Variants in TC2N observed in about 807,000 individuals in gnomAD.
TC2N encodes tandem C2 domains nuclear protein.
Under a neutral mutation model 61.9 loss-of-function variants are expected in TC2N, and 51 were observed. That is an observed-to-expected ratio of 0.82 (90% confidence interval 0.66 to 1.04). TC2N has a LOEUF of 1.04. Ranked by LOEUF, TC2N falls within the 50% of genes least tolerant of loss-of-function variation. The pLI, the probability that TC2N is intolerant of heterozygous loss-of-function variation, is 0.00. For synonymous variants in TC2N, 204 were observed against 192.6 expected (o/e 1.06, Z -0.49); for missense variants, 556 against 566.7 (o/e 0.98, Z 0.19).
chr14:91,796,158 G>T (rs1053335189), intron 8 of TC2N, among the ~76,000 whole-genome samples: 15 of 151,926 alleles, frequency 9.9e-5, no homozygotes, highest in Non-Finnish European at 1.3e-4. Flanking sequence ...ATTCATCTAT[G>T]AGTGTCAAGG....
In TC2N at chr14:91,812,456, G is replaced by A. The variant is rs574082858; in HGVS notation, c.157C>T (p.Pro53Ser). The change falls in exon 3 of 12, where the codon CCT becomes TCT. Residue 53 changes from proline (P) to serine (S), a missense_variant. Coordinates refer to ENST00000435962, the MANE Select transcript of TC2N (RefSeq NM_001128596.3). ...VPPLTSVSVK[P>S]QLGCTEDYLL... is the part of the protein sequence containing the mutation. The stretch of plus-strand genomic sequence containing the variant: ...TAATCCTCAGTACAGCCAAGCTGAG[G>A]CTTTACAGAAACAGAAGTCAATGGA... 1 of 1,611,972 alleles carries A rather than the reference G, an allele frequency of 6.2e-7. No homozygotes were observed. Among genetic ancestry groups the A allele is most frequent in the Non-Finnish European group, 8.5e-7 (1 of 1,178,538 alleles).
At chr14:91,836,798 G>A (rs1888044728) in intron 1 of TC2N, among the ~76,000 whole-genome samples, 1 of 152,214 alleles carries the variant, frequency 6.6e-6, no homozygotes, top group Non-Finnish European at 1.5e-5. Flanking sequence ...TTTGGGAGAA[G>A]AAGGGAGACA....
intron 1 of TC2N, among the ~76,000 whole-genome samples, chr14:91,826,342 A>G (rs972862591): frequency 4.6e-5 from 7 of 151,682 alleles, no homozygotes; most frequent in African/African-American, 1.5e-4. Context: ...AAAGCAGGAA[A>G]AAAATATGTA....
At chr14:91,794,802 T>A (rs1885822254) in intron 8 of TC2N, among the ~76,000 whole-genome samples, 1 of 152,100 alleles carries the variant, frequency 6.6e-6, no homozygotes, top group African/African-American at 2.4e-5. Flanking sequence ...GATCAGGGAG[T>A]AATTTCAACT....
In TC2N at chr14:91,779,815, TTAAAAC is replaced by T. The variant is rs1481076804; in HGVS notation, c.*3279_*3284del. The T allele has an allele frequency of 6.6e-5, 10 of 152,072 alleles. No homozygotes were observed. In the East Asian group the frequency reaches 1.9e-3, roughly 29 times the overall value. The allele number at this position is 152,072 out of a possible 1,614,324, so 9.4% of individuals were successfully genotyped here. On this transcript the variant is annotated 3_prime_UTR_variant, in exon 12 of 12. Coordinates refer to ENST00000435962, the MANE Select transcript of TC2N (RefSeq NM_001128596.3). ...TCACATTTTTTATAGATTAAAAAAC[TTAAAAC>T]TAAAAAAGTACTAAGTTAAAAAAAA...
intron 1 of TC2N, among the ~76,000 whole-genome samples, chr14:91,833,913 C>T (rs1887895635): frequency 6.6e-6 from 1 of 152,032 alleles, no homozygotes; most frequent in South Asian, 2.1e-4. Context: ...TTTGTCTGAA[C>T]TCTTGAGCAA....
At chr14:91,805,557 TG>T (rs1452195473) in intron 3 of TC2N, among the ~76,000 whole-genome samples, 2 of 151,906 alleles carry the variant, frequency 1.3e-5, no homozygotes, top group Non-Finnish European at 2.9e-5. Flanking sequence ...CCCAGCTACT[TG>T]GGAGGCTGAG....
chr14:91,852,409 C>G (rs1358494722), intron 1 of TC2N, among the ~76,000 whole-genome samples: 10 of 152,020 alleles, frequency 6.6e-5, no homozygotes. Context: ...CCAGCCTGGG[C>G]AACAACAGTG....
At chr14:91,799,541 C>T (rs992379340) in intron 5 of TC2N, among the ~76,000 whole-genome samples, 18 of 152,146 alleles carry the variant, frequency 1.2e-4, no homozygotes, top group African/African-American at 3.4e-4. Flanking sequence ...GCCTGTCATC[C>T]TGTGTTTTAA....
chr14:91,856,700 G>A (rs1011116185), intron 1 of TC2N, among the ~76,000 whole-genome samples: 5 of 152,132 alleles, frequency 3.3e-5, no homozygotes, highest in Non-Finnish European at 5.9e-5. Flanking sequence ...CCTTTAGACC[G>A]AAGAGGCAGC....
intron 1 of TC2N, among the ~76,000 whole-genome samples, chr14:91,850,521 T>A (rs890083799): frequency 6.6e-6 from 1 of 152,208 alleles, no homozygotes; most frequent in African/African-American, 2.4e-5. Flanking sequence ...CCATCACTCA[T>A]ATTACCACCT....
intron 1 of TC2N, among the ~76,000 whole-genome samples, chr14:91,829,983 C>T (rs533994834): frequency 6.6e-6 from 1 of 152,056 alleles, no homozygotes; most frequent in South Asian, 2.1e-4. Context: ...TAGGAAAATG[C>T]AAATCAAAAC....
chr14:91,844,609 A>T (rs1479909069), intron 1 of TC2N, among the ~76,000 whole-genome samples: 1 of 151,094 alleles, frequency 6.6e-6, no homozygotes, highest in African/African-American at 2.4e-5. Context: ...TAAAAATATA[A>T]AAATTAGCTG....
intron 1 of TC2N, among the ~76,000 whole-genome samples, chr14:91,850,044 C>A: frequency 2.3e-5 from 2 of 88,850 alleles, no homozygotes; most frequent in Non-Finnish European, 2.3e-5. Context: ...AGTGAAACTC[C>A]ATCTCAAAAA....
In TC2N at chr14:91,792,362, C is replaced by G; in HGVS notation, c.1047+5G>C. ...AAATACTCTTAACATACTATTATCGCTTACAGAAATTTTTGAAGGTGGTGT... is the reference window on the plus strand; with the variant it reads ...AAATACTCTTAACATACTATTATCGGTTACAGAAATTTTTGAAGGTGGTGT... On this transcript the variant is annotated splice_donor_5th_base_variant and intron_variant, in intron 9 of 11. Transcript: ENST00000435962. The G allele has an allele frequency of 6.3e-7, 1 of 1,580,404 alleles. No individual in the cohort carries two copies. Among genetic ancestry groups the G allele is most frequent in the Non-Finnish European group, 8.6e-7 (1 of 1,161,010 alleles).
chr14:91,802,456 C>A, intron 3 of TC2N, 35 bp from the exon 4 acceptor site: 1 of 1,598,696 alleles, frequency 6.3e-7, no homozygotes, highest in Non-Finnish European at 8.5e-7. Context: ...TTATAACATC[C>A]TTTTCTTGGA....
At chr14:91,844,560 A>C (rs149915089) in intron 1 of TC2N, among the ~76,000 whole-genome samples, 40 of 152,138 alleles carry the variant, frequency 2.6e-4, no homozygotes, top group Admixed American at 6.5e-4. Flanking sequence ...TTAAGAGATC[A>C]AGACCATCCT....
In TC2N at chr14:91,819,358, T is replaced by C. The variant is rs558598561; in HGVS notation, c.-56-5533A>G. 2.6e-5 allele frequency among the ~76,000 whole-genome samples: 4 copies of C among 151,838 alleles called. No homozygotes were observed. The East Asian group carries it at 7.7e-4, about 29-fold the overall frequency. On this transcript the variant is annotated intron_variant, in intron 1 of 11. Coordinates refer to ENST00000435962, the MANE Select transcript of TC2N (RefSeq NM_001128596.3). Reference sequence around the variant, plus strand: ...AAATTAATTAATTAATTAAAAAGGATAGTAGCATAGCTCTCAATGGAAACA... The same window carrying C: ...AAATTAATTAATTAATTAAAAAGGACAGTAGCATAGCTCTCAATGGAAACA...
intron 1 of TC2N, among the ~76,000 whole-genome samples, chr14:91,858,870 G>T (rs1444637116): frequency 6.6e-6 from 1 of 152,052 alleles, no homozygotes; most frequent in Admixed American, 6.6e-5. Flanking sequence ...ATTAACTGTG[G>T]CCATCCCATT....
Sources: allele counts gnomAD v4.1 joint callset (sites outside exome capture counted in the v4.1 genomes callset), GRCh38; gene constraint gnomAD v4.1.1; transcripts MANE v1.5; gene names NCBI Gene and HGNC (gene_info 2026-07-23, HGNC 2026-07-21).